LRP1B: variants seen among roughly 807,000 people sequenced by gnomAD.
LRP1B encodes the protein low-density lipoprotein receptor-related protein 1B.
A neutral mutation model predicts 556.6 loss-of-function variants in LRP1B; 217 were observed. The observed-to-expected ratio is 0.39, with a 90% CI of 0.35 to 0.44. The LOEUF (loss-of-function observed/expected upper bound fraction) is 0.44. Among genes scored for constraint, LRP1B ranks in the 20% least tolerant of loss-of-function variants. LRP1B has a pLI of 1.00. For missense variants in LRP1B, 5,053 were observed against 5,620.8 expected, an observed-to-expected ratio of 0.90 and a Z score of 3.23; for synonymous variants, 2,047 against 1,865.8, an observed-to-expected ratio of 1.10 and a Z score of -2.50.
intron 7 of LRP1B, among the ~76,000 whole-genome samples, chr2:141,160,861 TAA>T (rs1020062118): frequency 1.4e-5 from 2 of 138,120 alleles, no homozygotes; most frequent in Non-Finnish European, 3.2e-5. Flanking sequence ...TATATATATA[TAA>T]AATAAGGTTC....
At chr2:141,423,868 A>G (rs1214314993) in intron 3 of LRP1B, among the ~76,000 whole-genome samples, 1 of 152,034 alleles carries the variant, frequency 6.6e-6, no homozygotes, top group Non-Finnish European at 1.5e-5. Flanking sequence ...TTAGTTATAA[A>G]TATATAAATG....
intron 3 of LRP1B, among the ~76,000 whole-genome samples, chr2:141,273,034 C>CG (rs1685148021): frequency 6.6e-6 from 1 of 152,046 alleles, no homozygotes; most frequent in Non-Finnish European, 1.5e-5. Flanking sequence ...TTATGCCAGG[C>CG]GGGGTGGCTC....
At chr2:141,093,154 T>C (rs1700214702) in intron 7 of LRP1B, among the ~76,000 whole-genome samples, 1 of 152,012 alleles carries the variant, frequency 6.6e-6, no homozygotes, top group Admixed American at 6.6e-5. Flanking sequence ...AAGATAATTA[T>C]ATTTTTAAGT....
At chr2:140,915,811 G>A (rs572193984) in intron 21 of LRP1B, among the ~76,000 whole-genome samples, 5 of 152,116 alleles carry the variant, frequency 3.3e-5, no homozygotes, top group African/African-American at 1.2e-4. Flanking sequence ...GTCAGCTCAC[G>A]AGGTCAGGAG....
intron 3 of LRP1B, among the ~76,000 whole-genome samples, chr2:141,415,596 T>C (rs1573920373): frequency 6.6e-6 from 1 of 152,230 alleles, no homozygotes; most frequent in South Asian, 2.1e-4. Flanking sequence ...TTATTTTTCC[T>C]CCTCGACTTA....
At chr2:140,477,849 GC>G (rs1688037815) in intron 59 of LRP1B, among the ~76,000 whole-genome samples, 1 of 151,950 alleles carries the variant, frequency 6.6e-6, no homozygotes, top group African/African-American at 2.4e-5. Context: ...TTCTTACTGG[GC>G]CCAAATATAC....
chr2:141,635,211 A>G (rs1689071041), intron 2 of LRP1B, among the ~76,000 whole-genome samples: 1 of 152,094 alleles, frequency 6.6e-6, no homozygotes, highest in Non-Finnish European at 1.5e-5. Flanking sequence ...TTTCCCCACT[A>G]CCTGCATGAT....
intron 1 of LRP1B, among the ~76,000 whole-genome samples, chr2:141,961,245 T>C (rs796454848): frequency 4.6e-5 from 7 of 151,842 alleles, no homozygotes; most frequent in African/African-American, 1.2e-4. Context: ...TGAACTCTTG[T>C]CTTACTATGT....
At chr2:141,306,812 C>G (rs1686607401) in intron 3 of LRP1B, among the ~76,000 whole-genome samples, 1 of 152,020 alleles carries the variant, frequency 6.6e-6, no homozygotes, top group Non-Finnish European at 1.5e-5. Flanking sequence ...TATTATGTAT[C>G]AATTTTCATT....
intron 62 of LRP1B, among the ~76,000 whole-genome samples, 155 bp downstream of exon 62, chr2:140,456,300 T>C (rs962598551): frequency 6.6e-6 from 1 of 152,200 alleles, no homozygotes; most frequent in South Asian, 2.1e-4. Flanking sequence ...TTCTTCCTAA[T>C]AGCTAAGGTC....
rs187008073 is a variant in LRP1B at position 141,278,608 on chromosome 2, G to A, written c.344-23967C>T. 1.1e-3 allele frequency among the ~76,000 whole-genome samples: 163 copies of A among 152,190 alleles called. 3 individuals are homozygous for A. Among genetic ancestry groups the A allele is most frequent in the Admixed American group, 0.01 (153 of 15,278 alleles). ...TAACACTATGGCTAAAATGATGAGG[G>A]TGATCTTTTCCCTTAGCTTATTTTT... On this transcript the variant is annotated intron_variant, in intron 3 of 90. Transcript: ENST00000389484.
chr2:141,985,867 C>T (rs2105104547), intron 1 of LRP1B, among the ~76,000 whole-genome samples: 1 of 152,014 alleles, frequency 6.6e-6, no homozygotes, highest in East Asian at 1.9e-4. Context: ...ATTTGCAACT[C>T]TAATAAATTA....
chr2:141,863,202 G>A (rs192548313), intron 1 of LRP1B, among the ~76,000 whole-genome samples: 345 of 152,200 alleles, frequency 2.3e-3, no homozygotes, highest in African/African-American at 8.1e-3. Flanking sequence ...CCATCGGTTA[G>A]GCACTCCACT....
intron 3 of LRP1B, among the ~76,000 whole-genome samples, chr2:141,469,705 T>C (rs2105065366): frequency 6.6e-6 from 1 of 152,314 alleles, no homozygotes; most frequent in African/African-American, 2.4e-5. Flanking sequence ...TCTATAGAAT[T>C]TGTAAGATTT....
At chr2:141,153,050 G>T (rs1701963982) in intron 7 of LRP1B, among the ~76,000 whole-genome samples, 1 of 149,622 alleles carries the variant, frequency 6.7e-6, no homozygotes, top group African/African-American at 2.4e-5. Context: ...CATTCTTTAA[G>T]AACCACCTTA....
chr2:140,541,947 T>C lies in LRP1B; in HGVS notation c.7219A>G (p.Thr2407Ala). Reference sequence around the variant, plus strand: ...TCATAAACAGCCAAACTGAGGAAAGTCCCTGGCCCAGATTTAACTATCACC... The same window carrying C: ...TCATAAACAGCCAAACTGAGGAAAGCCCCTGGCCCAGATTTAACTATCACC... The part of the protein sequence containing the change: ...RHVIVKSGPG[T>A]FLSLAVYDNY... The change falls in exon 44 of 91, where the codon ACT (threonine) becomes GCT (alanine). Residue 2407 changes from threonine to alanine, a missense_variant. Thr to Ala is a moderately conservative substitution (Grantham distance 58). Transcript: ENST00000389484. 1 of 1,605,914 alleles carries C rather than the reference T, an allele frequency of 6.2e-7. No individual in the cohort carries two copies. The highest frequency in any genetic ancestry group is 1.1e-5 in the South Asian group (1 of 89,776).
At chr2:141,978,202 A>G (rs929720483) in intron 1 of LRP1B, among the ~76,000 whole-genome samples, 45 of 152,178 alleles carry the variant, frequency 3.0e-4, no homozygotes, top group African/African-American at 1.0e-3. Context: ...CTAAAATTAC[A>G]TTTCTGAAAA....
chr2:141,672,536 G>A (rs1439154277), intron 2 of LRP1B, among the ~76,000 whole-genome samples: 1 of 152,148 alleles, frequency 6.6e-6, no homozygotes, highest in African/African-American at 2.4e-5. Flanking sequence ...TAATGTTTGG[G>A]TGTCATGAAA....
intron 18 of LRP1B, among the ~76,000 whole-genome samples, chr2:140,968,379 C>G (rs571293670): frequency 4.6e-5 from 7 of 151,850 alleles, no homozygotes; most frequent in Middle Eastern, 3.4e-3. Flanking sequence ...TGGTGATATC[C>G]GTTTTATCAT....
Sources: allele counts gnomAD v4.1 joint callset (sites outside exome capture counted in the v4.1 genomes callset), GRCh38; gene constraint gnomAD v4.1.1; transcripts MANE v1.5; gene names NCBI Gene and HGNC (gene_info 2026-07-23, HGNC 2026-07-21).